The following BAG4 variants were observed in gnomAD, a reference collection of about 807,000 sequenced individuals.
BAG4 encodes BAG cochaperone 4.
BAG4 carries 28 observed loss-of-function variants against 52.1 expected under a neutral mutation model. The ratio of observed to expected loss-of-function variants is 0.54; its 90% CI spans 0.40 to 0.74. The LOEUF (loss-of-function observed/expected upper bound fraction) is 0.74, where lower values mean the gene tolerates loss of function less well. Ranked by LOEUF, BAG4 falls within the 30% of genes least tolerant of loss-of-function variation. The pLI is 0.00. For missense variants in BAG4, 525 were observed against 572.0 expected, an observed-to-expected ratio of 0.92 and a Z score of 0.84; for synonymous variants, 208 against 217.0, an observed-to-expected ratio of 0.96 and a Z score of 0.37.
chr8:38,196,176 T>G (rs1803557123), intron 2 of BAG4, among the ~76,000 whole-genome samples: 1 of 152,168 alleles, frequency 6.6e-6, no homozygotes, highest in Non-Finnish European at 1.5e-5. Flanking sequence ...GGAAATATGT[T>G]TTTATTTATC....
intron 2 of BAG4, among the ~76,000 whole-genome samples, chr8:38,198,998 C>T (rs959501416): frequency 6.6e-6 from 1 of 152,046 alleles, no homozygotes; most frequent in African/African-American, 2.4e-5. Context: ...TCCGGTTAAC[C>T]TTTAAAAAAT....
Position 38,209,112 on chromosome 8 carries a change from TCTC to T in BAG4, c.736_738del (p.Pro246del). On this transcript the variant is annotated inframe_deletion, in exon 4 of 5. Transcript: ENST00000287322. ...ACGACCACAAGAAGATGCGTGGGCT[TCTC>T]CTGGTGCTTATGGAATGGGTGGCCG... 1.2e-6 allele frequency: 2 copies of T among 1,614,166 alleles called. No homozygotes were observed. The highest frequency in any genetic ancestry group is 1.7e-6 in the Non-Finnish European group (2 of 1,180,036).
Position 38,176,875 on chromosome 8 carries a change from G to A in BAG4, c.6G>A (p.Ser2=), listed in dbSNP as rs763152667. 6.6e-7 allele frequency: 1 copy of A among 1,514,858 alleles called. No individual in the cohort carries two copies. The highest frequency in any genetic ancestry group is 8.9e-7 in the Non-Finnish European group (1 of 1,128,964). The allele number at this position is 1,514,858 out of a possible 1,614,324, so 93.8% of individuals were successfully genotyped here. ...GCTTCAGGGCAGCGGATCCCATGTC[G>A]GCCCTGAGGCGCTCGGGCTACGGCC... M[S]ALRRSGYGPS... Residue 2 remains serine, a synonymous_variant, in exon 1 of 5, where the codon TCG becomes TCA. Transcript: ENST00000287322.
intron 2 of BAG4, among the ~76,000 whole-genome samples, chr8:38,194,352 T>C (rs1166794876): frequency 1.3e-5 from 2 of 151,662 alleles, no homozygotes; most frequent in South Asian, 2.1e-4. Context: ...CTTTCTGTTA[T>C]ATAAATACGA....
In BAG4 at chr8:38,182,614, TAA is replaced by T. The variant is rs1454387329; in HGVS notation, c.270+5479_270+5480del. 2.6e-5 allele frequency among the ~76,000 whole-genome samples: 4 copies of T among 152,328 alleles called. No homozygotes were observed. In the South Asian group the frequency reaches 8.3e-4, roughly 32 times the overall value. On this transcript the variant is annotated intron_variant, in intron 1 of 4. Transcript: ENST00000287322. ...TTTAGTTTGTATTTCATTCAACAAA[TAA>T]AAAGTTTGGAAAGAGTTAGGCACAT...
Position 38,209,364 on chromosome 8 carries a change from C to G in BAG4, c.888+97C>G, listed in dbSNP as rs763110020. 31 of 1,509,026 alleles carry G rather than the reference C, an allele frequency of 2.1e-5. No individual in the cohort carries two copies. In the East Asian group the frequency reaches 2.3e-4, roughly 11 times the overall value. The allele number at this position is 1,509,026 out of a possible 1,614,324, so 93.5% of individuals were successfully genotyped here. A position where few individuals can be genotyped will look rare whatever the true frequency, so the allele number is the denominator to read the frequency against. ...TGTACTGGTTTGTGTTAAATGGGGA[C>G]TAATTACAAAAAGTTGGTGACTACT... On this transcript the variant is annotated intron_variant, in intron 4 of 4. Transcript: ENST00000287322.
At position 38,196,567 on chromosome 8, in the gene BAG4, G is replaced by T. The variant is rs552004744; in HGVS notation, c.378+3772G>T. On this transcript the variant is annotated intron_variant, in intron 2 of 4. Coordinates refer to ENST00000287322, the MANE Select transcript of BAG4 (RefSeq NM_004874.4). ...ACTTGGGAGGCTGAGGCAGGAGAAT[G>T]GCATGAACCCAGGAGGCAGCTTGCA... Among the ~76,000 whole-genome samples, 9 of 150,928 alleles carry T rather than the reference G, an allele frequency of 6.0e-5. No homozygotes were observed. The South Asian group carries it at 1.7e-3, about 28-fold the overall frequency.
chr8:38,195,647 G>A (rs112022150), intron 2 of BAG4, among the ~76,000 whole-genome samples: 4,282 of 152,232 alleles, frequency 0.028, 91 homozygotes, highest in Non-Finnish European at 0.045. Context: ...ATAATGGAAT[G>A]TAAAATAAAG....
At chr8:38,179,118 A>G (rs951547626) in intron 1 of BAG4, among the ~76,000 whole-genome samples, 13 of 152,210 alleles carry the variant, frequency 8.5e-5, no homozygotes, top group African/African-American at 3.1e-4. Context: ...AGTGTAAACA[A>G]TTGTATGAGA....
In BAG4 at chr8:38,177,060, G is replaced by C. The variant is rs1280647675; in HGVS notation, c.191G>C (p.Gly64Ala). 2 of 1,610,796 alleles carry C rather than the reference G, an allele frequency of 1.2e-6. No individual in the cohort carries two copies. The highest frequency in any genetic ancestry group is 1.7e-6 in the Non-Finnish European group (2 of 1,179,096). ...GGGPAETTWL[G>A]EGGGGDGYYP... The stretch of plus-strand genomic sequence containing the variant: ...GGCCCGGCGGAGACCACCTGGCTGG[G>C]AGAAGGCGGAGGAGGCGATGGCTAC... Residue 64 changes from glycine (G) to alanine (A), a missense_variant, in exon 1 of 5, where the codon GGA (glycine) becomes GCA (alanine). This residue lies in a region of BAG4 where 287 missense variants were observed against 266.1 expected (regional missense o/e 1.08). Coordinates refer to ENST00000287322, the MANE Select transcript of BAG4 (RefSeq NM_004874.4).
In BAG4 at chr8:38,198,584, G is replaced by A. The variant is rs1467828754; in HGVS notation, c.378+5789G>A. On this transcript the variant is annotated intron_variant, in intron 2 of 4. Transcript: ENST00000287322. ...GCTTACTGCGACCTCCGCCTCCCAG[G>A]TTCAAGCAATTCTCCTGCCTCAGCC... Among the ~76,000 whole-genome samples the A allele has an allele frequency of 2.6e-4, 39 of 150,112 alleles. No individual in the cohort carries two copies. The South Asian group carries it at 8.0e-3, about 31-fold the overall frequency.
chr8:38,182,025 C>T (rs769044012), intron 1 of BAG4, among the ~76,000 whole-genome samples: 4 of 150,306 alleles, frequency 2.7e-5, no homozygotes, highest in African/African-American at 9.8e-5. Flanking sequence ...GGTCTCCTTT[C>T]GTGGTGGAGT....
intron 1 of BAG4, among the ~76,000 whole-genome samples, chr8:38,188,528 C>A (rs1435253900): frequency 1.3e-5 from 2 of 151,218 alleles, no homozygotes; most frequent in African/African-American, 4.9e-5. Context: ...ATATGTACTA[C>A]TTTTATTAAT....
At chr8:38,180,678 A>G (rs1463837943) in intron 1 of BAG4, among the ~76,000 whole-genome samples, 1 of 152,062 alleles carries the variant, frequency 6.6e-6, no homozygotes, top group East Asian at 1.9e-4. Context: ...AACCTTTTAT[A>G]ACCTTGCTAC....
At position 38,185,309 on chromosome 8, in the gene BAG4, A is replaced by C. The variant is rs147621315; in HGVS notation, c.271-7379A>C. Among the ~76,000 whole-genome samples, 442 of 152,294 alleles carry C rather than the reference A, an allele frequency of 2.9e-3. 1 individual carries two copies. The highest frequency in any genetic ancestry group is 0.01 in the African/African-American group (430 of 41,568). On this transcript the variant is annotated intron_variant, in intron 1 of 4. Transcript: ENST00000287322. The stretch of plus-strand genomic sequence containing the variant: ...ATATTTATATTAATTCAAATTTAAC[A>C]TTATAGGAATTTTAACTTCTTTGTA...
intron 1 of BAG4, among the ~76,000 whole-genome samples, chr8:38,189,621 C>G (rs1803434567): frequency 6.6e-6 from 1 of 152,124 alleles, no homozygotes; most frequent in South Asian, 2.1e-4. Flanking sequence ...TCAGGTCTAC[C>G]TGTGTGTCTT....
At chr8:38,184,814 G>A (rs1179554631) in intron 1 of BAG4, among the ~76,000 whole-genome samples, 2 of 152,156 alleles carry the variant, frequency 1.3e-5, no homozygotes, top group Admixed American at 1.3e-4. Flanking sequence ...CTTGCGGCCG[G>A]GCGCAGTGGC....
Position 38,187,561 on chromosome 8 carries a change from AATAAGT to A in BAG4, c.271-5122_271-5117del, listed in dbSNP as rs540029276. Among the ~76,000 whole-genome samples the A allele has an allele frequency of 1.5e-3, 231 of 152,344 alleles. 1 individual carries two copies. Among genetic ancestry groups the A allele is most frequent in the African/African-American group, 4.9e-3 (202 of 41,582 alleles). On this transcript the variant is annotated intron_variant, in intron 1 of 4. Transcript: ENST00000287322. ...TTCTTTAAAAGACATTATATAAAGT[AATAAGT>A]ATAACAATATAATGTTGAGTTTGTA...
intron 2 of BAG4, among the ~76,000 whole-genome samples, chr8:38,197,948 C>T (rs1437895350): frequency 6.6e-6 from 1 of 152,144 alleles, no homozygotes; most frequent in Non-Finnish European, 1.5e-5. Flanking sequence ...GATCTGTCCA[C>T]CTCAGCCTCC....
Sources: allele counts gnomAD v4.1 joint callset (sites outside exome capture counted in the v4.1 genomes callset), GRCh38; gene constraint gnomAD v4.1.1; regional missense constraint gnomAD v4.1.1; transcripts MANE v1.5; gene names NCBI Gene and HGNC (gene_info 2026-07-23, HGNC 2026-07-21).